Variants in PCCA observed in about 807,000 individuals in gnomAD.
The protein encoded by PCCA is propionyl-CoA carboxylase alpha chain, mitochondrial.
PCCA carries 74 observed loss-of-function variants against 101.3 expected under a neutral mutation model. The ratio of observed to expected loss-of-function variants is 0.73; its 90% confidence interval spans 0.61 to 0.89. The LOEUF is 0.89. Among genes scored for constraint, PCCA ranks in the 40% least tolerant of loss-of-function variants. PCCA has a pLI of 0.00. For missense variants in PCCA, 891 were observed against 907.0 expected (o/e 0.98, Z 0.23); for synonymous variants, 294 against 313.6 (o/e 0.94, Z 0.66).
chr13:100,471,198 G>A (rs539642615), intron 21 of PCCA, among the ~76,000 whole-genome samples: 1 of 152,290 alleles, frequency 6.6e-6, no homozygotes, highest in Admixed American at 6.5e-5. Flanking sequence ...GAGAGGGAGA[G>A]AGATGGGGGA....
intron 12 of PCCA, among the ~76,000 whole-genome samples, chr13:100,299,405 C>G (rs992628983): frequency 6.6e-6 from 1 of 152,120 alleles, no homozygotes; most frequent in Non-Finnish European, 1.5e-5. Flanking sequence ...AATTGTATAG[C>G]CATTGCATAT....
At chr13:100,376,896 C>T (rs765418235) in intron 19 of PCCA, among the ~76,000 whole-genome samples, 6 of 152,190 alleles carry the variant, frequency 3.9e-5, no homozygotes, top group Non-Finnish European at 7.3e-5. Flanking sequence ...CCCAAACAGC[C>T]GCCCAGTTTT....
intron 2 of PCCA, among the ~76,000 whole-genome samples, 175 bp from the exon 3 acceptor site, chr13:100,111,666 A>G (rs150126820): frequency 6.6e-6 from 1 of 152,302 alleles, no homozygotes; most frequent in Non-Finnish European, 1.5e-5. Flanking sequence ...TACCCTAAGT[A>G]TTTATAGTAC....
At chr13:100,118,559 C>CT (rs1045863207) in intron 4 of PCCA, among the ~76,000 whole-genome samples, 147 of 151,400 alleles carry the variant, frequency 9.7e-4, no homozygotes, top group African/African-American at 3.3e-3. Flanking sequence ...TTCTTTTTTT[C>CT]TTTTTTTTGT....
At chr13:100,496,310 C>T (rs1368741513) in intron 21 of PCCA, among the ~76,000 whole-genome samples, 1 of 152,250 alleles carries the variant, frequency 6.6e-6, no homozygotes, top group Non-Finnish European at 1.5e-5. Flanking sequence ...CTCAGAGTCA[C>T]ACCTTGCATT....
At position 100,382,418 on chromosome 13, in the gene PCCA, G is replaced by T. The variant is rs1300197411; in HGVS notation, c.1746+13844G>T. On this transcript the variant is annotated intron_variant, in intron 19 of 23. Coordinates refer to ENST00000376285, the MANE Select transcript of PCCA (RefSeq NM_000282.4). ...CAGGATGAGGTGGGGTGGGGCCATG[G>T]GTAGTTTAGGAAAAGGCAACATTTG... 3.9e-5 allele frequency among the ~76,000 whole-genome samples: 6 copies of T among 152,070 alleles called. No individual in the cohort carries two copies. In the East Asian group the frequency reaches 7.7e-4, roughly 20 times the overall value.
chr13:100,168,472 G>A (rs2055283214), intron 6 of PCCA, among the ~76,000 whole-genome samples: 1 of 152,184 alleles, frequency 6.6e-6, no homozygotes, highest in African/African-American at 2.4e-5. Flanking sequence ...GGCCTTTTTT[G>A]AACAGTTCCT....
chr13:100,259,308 A>AT (rs201911568), intron 9 of PCCA, among the ~76,000 whole-genome samples: 7 of 130,316 alleles, frequency 5.4e-5, no homozygotes, highest in South Asian at 2.5e-4. Context: ...CATCTGAAAG[A>AT]TTTTTTTTAA....
At chr13:100,246,636 T>C (rs1245539304) in intron 8 of PCCA, among the ~76,000 whole-genome samples, 1 of 152,066 alleles carries the variant, frequency 6.6e-6, no homozygotes, top group Non-Finnish European at 1.5e-5. Context: ...CCTAGTGATA[T>C]ATTTCTAAAT....
chr13:100,315,302 A>C (rs890975398), intron 16 of PCCA, among the ~76,000 whole-genome samples: 1 of 151,980 alleles, frequency 6.6e-6, no homozygotes, highest in Non-Finnish European at 1.5e-5. Context: ...TTTAATTTCA[A>C]AATAAAAAGT....
chr13:100,292,069 C>T (rs1444537957), intron 12 of PCCA, among the ~76,000 whole-genome samples: 5 of 152,120 alleles, frequency 3.3e-5, no homozygotes, highest in African/African-American at 4.8e-5. Context: ...GAGGTGGGAG[C>T]CAGGCTGGTT....
chr13:100,445,520 T>C (rs371430364), intron 20 of PCCA, among the ~76,000 whole-genome samples: 2 of 152,162 alleles, frequency 1.3e-5, no homozygotes, highest in East Asian at 3.9e-4. Flanking sequence ...TATAATAGCT[T>C]TCTCGTACCT....
intron 8 of PCCA, among the ~76,000 whole-genome samples, chr13:100,239,748 G>A (rs763583516): frequency 1.3e-5 from 2 of 152,076 alleles, no homozygotes; most frequent in Non-Finnish European, 2.9e-5. Context: ...TCTAAAACCT[G>A]TCCTTTAACA....
intron 6 of PCCA, among the ~76,000 whole-genome samples, chr13:100,175,295 T>C (rs1343129271): frequency 6.6e-6 from 1 of 152,250 alleles, no homozygotes; most frequent in African/African-American, 2.4e-5. Context: ...CCTTAGATCC[T>C]ATTTGCTCTC....
intron 7 of PCCA, among the ~76,000 whole-genome samples, chr13:100,223,652 C>G (rs1002953596): frequency 7.9e-5 from 12 of 152,098 alleles, no homozygotes; most frequent in African/African-American, 2.9e-4. Context: ...ACTGCTGGCT[C>G]GGGCAGCCTG....
intron 9 of PCCA, among the ~76,000 whole-genome samples, chr13:100,260,379 T>TTGTGTGTGTG (rs138371283): frequency 3.0e-5 from 4 of 135,506 alleles, no homozygotes; most frequent in African/African-American, 8.2e-5. Context: ...AGCAAATTAG[T>TTGTGTGTGTG]TGTGTGTGTG....
intron 19 of PCCA, among the ~76,000 whole-genome samples, chr13:100,375,861 G>A (rs1271878097): frequency 2.6e-5 from 4 of 152,210 alleles, no homozygotes; most frequent in African/African-American, 7.2e-5. Flanking sequence ...ATTGGATAGA[G>A]TGAAGAGCCA....
At chr13:100,464,224 C>T (rs1261556816) in intron 21 of PCCA, among the ~76,000 whole-genome samples, 3 of 152,102 alleles carry the variant, frequency 2.0e-5, no homozygotes, top group East Asian at 1.9e-4. Context: ...TGAACAGGAT[C>T]GGGCAGGGGT....
chr13:100,449,212 C>T lies in PCCA; in HGVS notation c.1846-40C>T, dbSNP rs1566334079. 5 of 1,276,278 alleles carry T rather than the reference C, an allele frequency of 3.9e-6. No homozygotes were observed. In the South Asian group the frequency reaches 6.5e-5, roughly 17 times the overall value. The allele number at this position is 1,276,278 out of a possible 1,614,324, so 79.1% of individuals were successfully genotyped here. On this transcript the variant is annotated intron_variant, in intron 20 of 23. Transcript: ENST00000376285. The stretch of plus-strand genomic sequence containing the variant: ...TCGTGAACATTACATACAAGCTGTG[C>T]AGATATGAGTTCATTTTATATCTCT...
Sources: allele counts gnomAD v4.1 joint callset (sites outside exome capture counted in the v4.1 genomes callset), GRCh38; gene constraint gnomAD v4.1.1; transcripts MANE v1.5; gene names NCBI Gene and HGNC (gene_info 2026-07-23, HGNC 2026-07-21).